The following PRKG1 variants were observed in gnomAD, a reference collection of about 807,000 sequenced individuals.
PRKG1 encodes cGMP-dependent protein kinase 1.
In PRKG1, 35 loss-of-function variants were observed where a neutral mutation model predicts 88.1. The observed-to-expected ratio is 0.40, with a 90% confidence interval of 0.30 to 0.53. PRKG1 has a LOEUF of 0.53. Ranked by LOEUF, PRKG1 falls within the 20% of genes least tolerant of loss-of-function variation. PRKG1 has a pLI of 0.59. For synonymous variants in PRKG1, 303 were observed against 292.5 expected, an observed-to-expected ratio of 1.04 and a Z score of -0.37; for missense variants, 540 against 839.8, an observed-to-expected ratio of 0.64 and a Z score of 4.41.
At chr10:51,809,283 T>C (rs1839389486) in intron 4 of PRKG1, among the ~76,000 whole-genome samples, 1 of 137,664 alleles carries the variant, frequency 7.3e-6, no homozygotes, top group African/African-American at 3.3e-5. Flanking sequence ...TCTATCCAGA[T>C]CATAGAAAAA....
intron 9 of PRKG1, among the ~76,000 whole-genome samples, chr10:52,195,757 T>C (rs1125148): frequency 0.26 from 38,967 of 152,070 alleles, 5,974 homozygotes; most frequent in Admixed American, 0.41. Flanking sequence ...TTTTTAATTT[T>C]AATTAAATAT....
chr10:51,073,804 T>A (rs1843873935), upstream of PRKG1, among the ~76,000 whole-genome samples: 5 of 152,032 alleles, frequency 3.3e-5, no homozygotes, highest in Admixed American at 3.3e-4. Flanking sequence ...CGCTCGCATC[T>A]CCTGAGAGGC....
At chr10:51,678,594 A>C (rs1039915252) in intron 3 of PRKG1, among the ~76,000 whole-genome samples, 11 of 152,222 alleles carry the variant, frequency 7.2e-5, no homozygotes, top group Non-Finnish European at 1.3e-4. Context: ...TCTATATGAT[A>C]AAGGGTTATT....
At chr10:52,098,507 A>C (rs1475274584) in intron 7 of PRKG1, among the ~76,000 whole-genome samples, 2 of 152,160 alleles carry the variant, frequency 1.3e-5, no homozygotes, top group Non-Finnish European at 2.9e-5. Flanking sequence ...AATAAAAAGC[A>C]GGAAAGACAG....
chr10:51,069,629 T>C (rs1843798131), upstream of PRKG1, among the ~76,000 whole-genome samples: 1 of 152,076 alleles, frequency 6.6e-6, no homozygotes, highest in African/African-American at 2.4e-5. Context: ...TCCTAAAACA[T>C]ATTAACACAA....
At chr10:51,422,963 T>G (rs1213077465) in intron 2 of PRKG1, among the ~76,000 whole-genome samples, 3 of 147,164 alleles carry the variant, frequency 2.0e-5, no homozygotes, top group Non-Finnish European at 4.5e-5. Flanking sequence ...TGAAATAGGT[T>G]TTTTTTTTTT....
At chr10:51,437,056 C>T (rs1838953152) in intron 2 of PRKG1, among the ~76,000 whole-genome samples, 1 of 151,850 alleles carries the variant, frequency 6.6e-6, no homozygotes, top group South Asian at 2.1e-4. Context: ...CACATTCTAT[C>T]TTGTGGCGTC....
chr10:51,521,433 G>A (rs1841734620), intron 3 of PRKG1, among the ~76,000 whole-genome samples: 1 of 152,202 alleles, frequency 6.6e-6, no homozygotes. Context: ...TATGAAAGGT[G>A]AAGGCTGTTA....
chr10:51,947,294 G>A (rs998158005), intron 5 of PRKG1, among the ~76,000 whole-genome samples: 8 of 152,242 alleles, frequency 5.3e-5, no homozygotes, highest in South Asian at 2.1e-4. Flanking sequence ...CTCCTGGTGC[G>A]CCGTTTTTTA....
intron 2 of PRKG1, among the ~76,000 whole-genome samples, chr10:51,425,219 G>A (rs187886530): frequency 6.6e-6 from 1 of 152,130 alleles, no homozygotes; most frequent in Non-Finnish European, 1.5e-5. Flanking sequence ...AGTCTTTATA[G>A]TAATCTCTTA....
At position 51,949,911 on chromosome 10, in the gene PRKG1, A is replaced by G. The variant is rs543512391; in HGVS notation, c.762+42341A>G. Among the ~76,000 whole-genome samples, 28 of 152,322 alleles carry G rather than the reference A, an allele frequency of 1.8e-4. No individual in the cohort carries two copies. The South Asian group carries it at 5.8e-3, about 32-fold the overall frequency. On this transcript the variant is annotated intron_variant, in intron 5 of 17. Coordinates refer to ENST00000373980, the MANE Select transcript of PRKG1 (RefSeq NM_006258.4). ...TTGTTATGTCATGCCATCAACTTAT[A>G]TTTGGAATTCTTATGTCCAAGGAGC...
At chr10:52,021,915 A>G (rs1845195843) in intron 5 of PRKG1, among the ~76,000 whole-genome samples, 1 of 152,204 alleles carries the variant, frequency 6.6e-6, no homozygotes, top group African/African-American at 2.4e-5. Context: ...TGCCATATCC[A>G]TGTTGTTTCT....
intron 2 of PRKG1, among the ~76,000 whole-genome samples, chr10:51,161,084 T>G (rs1846348679): frequency 6.6e-6 from 1 of 152,220 alleles, no homozygotes; most frequent in African/African-American, 2.4e-5. Context: ...TTATAAATTG[T>G]CCTTCGGGAC....
At chr10:51,575,322 A>C (rs1332304009) in intron 3 of PRKG1, among the ~76,000 whole-genome samples, 1 of 151,986 alleles carries the variant, frequency 6.6e-6, no homozygotes, top group Non-Finnish European at 1.5e-5. Flanking sequence ...CTAGCGTAAG[A>C]TTCCAGTAAG....
intron 2 of PRKG1, among the ~76,000 whole-genome samples, chr10:51,443,611 G>A (rs569453851): frequency 3.9e-5 from 6 of 151,912 alleles, no homozygotes; most frequent in African/African-American, 1.5e-4. Context: ...TTTCCCTTCA[G>A]CCCTCACTCC....
At position 52,155,417 on chromosome 10, in the gene PRKG1, T is replaced by A. The variant is rs575806187; in HGVS notation, c.1002-6472T>A. ...ATATTTCAACAGTAGAATTACTAGATAAGCAAATAAACAAAAAAATCGAGA... is the reference window on the plus strand; with the variant it reads ...ATATTTCAACAGTAGAATTACTAGAAAAGCAAATAAACAAAAAAATCGAGA... On this transcript the variant is annotated intron_variant, in intron 8 of 17. Transcript: ENST00000373980. Among the ~76,000 whole-genome samples, 3 of 152,086 alleles carry A rather than the reference T, an allele frequency of 2.0e-5. No homozygotes were observed. The South Asian group carries it at 6.2e-4, about 32-fold the overall frequency.
intron 2 of PRKG1, among the ~76,000 whole-genome samples, chr10:51,418,610 C>T (rs1259919265): frequency 1.3e-5 from 2 of 152,158 alleles, no homozygotes; most frequent in Non-Finnish European, 2.9e-5. Flanking sequence ...GCAATCAAGT[C>T]TCAGCTCTGG....
chr10:52,013,172 A>T (rs554565332), intron 5 of PRKG1, among the ~76,000 whole-genome samples: 24 of 152,216 alleles, frequency 1.6e-4, no homozygotes, highest in Non-Finnish European at 5.9e-5. Flanking sequence ...TAATCCCAGC[A>T]CTTTGGGAAG....
chr10:52,189,457 G>A (rs552022977), intron 9 of PRKG1, among the ~76,000 whole-genome samples: 2 of 152,246 alleles, frequency 1.3e-5, no homozygotes, highest in African/African-American at 4.8e-5. Flanking sequence ...CAGTAGACAA[G>A]CGAGCATTAC....
Sources: allele counts gnomAD v4.1 joint callset (sites outside exome capture counted in the v4.1 genomes callset), GRCh38; gene constraint gnomAD v4.1.1; transcripts MANE v1.5; gene names NCBI Gene and HGNC (gene_info 2026-07-23, HGNC 2026-07-21).